The following POTEC variants were observed in gnomAD, a reference collection of about 807,000 sequenced individuals.
The protein encoded by POTEC is ANKRD26-like family B member 2.
A neutral mutation model predicts 62.0 loss-of-function variants in POTEC; 35 were observed. The observed-to-expected ratio is 0.56, with a 90% confidence interval of 0.43 to 0.75. POTEC has a LOEUF of 0.75. Ranked by LOEUF, POTEC falls within the 30% of genes least tolerant of loss-of-function variation. The probability of loss-of-function intolerance (pLI) is 0.00; values close to 1 mark genes in which losing one functional copy is unlikely to be tolerated. For synonymous variants in POTEC, 156 were observed against 221.5 expected, an observed-to-expected ratio of 0.70 and a Z score of 2.62; for missense variants, 472 against 655.9, an observed-to-expected ratio of 0.72 and a Z score of 3.06.
intron 10 of POTEC, among the ~76,000 whole-genome samples, chr18:14,512,529 T>C (rs1043549562): frequency 3.3e-5 from 5 of 152,254 alleles, no homozygotes; most frequent in Admixed American, 2.6e-4. Flanking sequence ...CCTTCTACAA[T>C]GTACACATCT....
At chr18:14,512,799 A>G (rs2143105124) in intron 10 of POTEC, among the ~76,000 whole-genome samples, 1 of 152,292 alleles carries the variant, frequency 6.6e-6, no homozygotes, top group Non-Finnish European at 1.5e-5. Flanking sequence ...ACACACACGT[A>G]TATATGCAAC....
chr18:14,528,700 A>G (rs1395432617), intron 6 of POTEC: 2 of 222,896 alleles, frequency 9.0e-6, no homozygotes, highest in Non-Finnish European at 1.8e-5. Context: ...TCTGGTTCCT[A>G]CTGTTTTAGC....
intron 9 of POTEC, among the ~76,000 whole-genome samples, chr18:14,521,588 A>G (rs1205802735): frequency 6.6e-6 from 1 of 152,162 alleles, no homozygotes; most frequent in Admixed American, 6.6e-5. Flanking sequence ...ACATACCTAC[A>G]TATCCTTACT....
At chr18:14,542,582 T>C (rs1211737124) in intron 1 of POTEC, 44 bp downstream of exon 1, 2 of 1,611,366 alleles carry the variant, frequency 1.2e-6, no homozygotes, top group East Asian at 4.5e-5. Context: ...TATGTCCCCA[T>C]CATCCCCCCA....
At chr18:14,529,500 T>C (rs1369891806) in intron 6 of POTEC, among the ~76,000 whole-genome samples, 1 of 152,166 alleles carries the variant, frequency 6.6e-6, no homozygotes, top group East Asian at 1.9e-4. Context: ...TTTTGATAAA[T>C]AGATGGCTAA....
At chr18:14,514,437 G>C (rs1255209727) in intron 9 of POTEC, among the ~76,000 whole-genome samples, 4 of 152,106 alleles carry the variant, frequency 2.6e-5, no homozygotes, top group Non-Finnish European at 5.9e-5. Flanking sequence ...TGTGGCCTGG[G>C]GATTGGAAAC....
intron 9 of POTEC, among the ~76,000 whole-genome samples, chr18:14,515,772 G>C (rs1309242529): frequency 1.3e-5 from 2 of 151,650 alleles, no homozygotes; most frequent in East Asian, 3.9e-4. Context: ...GGCAAATTAT[G>C]AATCTAACAA....
chr18:14,519,655 T>G (rs1275908368), intron 9 of POTEC, among the ~76,000 whole-genome samples: 2 of 150,878 alleles, frequency 1.3e-5, no homozygotes, highest in Non-Finnish European at 3.0e-5. Flanking sequence ...AGGCAGAGGT[T>G]GTAGTGAGCC....
chr18:14,537,987 G>C lies in POTEC; in HGVS notation c.637-13C>G. The C allele has an allele frequency of 1.2e-6, 2 of 1,601,550 alleles. No individual in the cohort carries two copies. The highest frequency in any genetic ancestry group is 1.4e-5 in the African/African-American group (1 of 71,236). ...GGCATTGTACGGCCTGTCAGTATTA[G>C]ACCAAAAACAAATTATTAAGTCCTA... On this transcript the variant is annotated splice_polypyrimidine_tract_variant and intron_variant, in intron 2 of 10. Transcript: ENST00000358970.
At chr18:14,522,219 T>C (rs1418347867) in intron 9 of POTEC, 35 bp downstream of exon 9, 9 of 1,598,548 alleles carry the variant, frequency 5.6e-6, no homozygotes, top group African/African-American at 2.7e-5. Context: ...TGACAGCATA[T>C]AGTTATCTCC....
chr18:14,512,928 T>C (rs530090565), intron 10 of POTEC, among the ~76,000 whole-genome samples: 353 of 152,252 alleles, frequency 2.3e-3, no homozygotes, highest in Non-Finnish European at 4.3e-3. Context: ...AAAATACAAA[T>C]GGTAAATAAG....
Position 14,510,788 on chromosome 18 carries a change from G to C in POTEC, c.*1110C>G, listed in dbSNP as rs543338431. The C allele has an allele frequency of 1.1e-4, 17 of 152,338 alleles. No homozygotes were observed. The East Asian group carries it at 3.3e-3, about 29-fold the overall frequency. The allele number at this position is 152,338 out of a possible 1,614,324, so 9.4% of individuals were successfully genotyped here. On this transcript the variant is annotated 3_prime_UTR_variant, in exon 11 of 11. Coordinates refer to ENST00000358970, the MANE Select transcript of POTEC (RefSeq NM_001137671.2). ...CACGTTTTTGTAGAGTGGCTATGCT[G>C]TGTGGGGGGTTCACTTCAGCCCCTG...
chr18:14,512,718 C>T (rs146745905), intron 10 of POTEC, among the ~76,000 whole-genome samples: 229 of 152,276 alleles, frequency 1.5e-3, no homozygotes, highest in African/African-American at 5.3e-3. Flanking sequence ...TTGCAGTGAA[C>T]TGAGTTTGTG....
intron 6 of POTEC, among the ~76,000 whole-genome samples, chr18:14,529,832 C>G (rs1202232755): frequency 6.6e-6 from 1 of 152,014 alleles, no homozygotes; most frequent in Admixed American, 6.6e-5. Context: ...CTTGTTGGGA[C>G]AAGGATATGT....
chr18:14,519,624 G>A (rs1441272249), intron 9 of POTEC, among the ~76,000 whole-genome samples: 1 of 152,134 alleles, frequency 6.6e-6, no homozygotes, highest in East Asian at 1.9e-4. Context: ...GGCTGAAGCA[G>A]GAGAATTGCT....
intron 9 of POTEC, among the ~76,000 whole-genome samples, chr18:14,514,714 T>C (rs975108889): frequency 2.0e-5 from 3 of 151,834 alleles, no homozygotes; most frequent in East Asian, 2.0e-4. Flanking sequence ...GGCAGAGCAA[T>C]TGGGCAAGAG....
intron 9 of POTEC, among the ~76,000 whole-genome samples, chr18:14,517,746 C>T (rs1300700631): frequency 1.3e-5 from 2 of 152,266 alleles, no homozygotes; most frequent in East Asian, 1.9e-4. Context: ...CCCGTAATCC[C>T]AGCTCCTTGG....
chr18:14,527,062 G>C (rs1218847910), intron 6 of POTEC, among the ~76,000 whole-genome samples: 1 of 152,020 alleles, frequency 6.6e-6, no homozygotes, highest in African/African-American at 2.4e-5. Flanking sequence ...TAGTGTATAT[G>C]AATATAACTA....
intron 1 of POTEC, among the ~76,000 whole-genome samples, chr18:14,541,306 C>CA (rs1288223895): frequency 6.6e-6 from 1 of 152,068 alleles, no homozygotes; most frequent in Non-Finnish European, 1.5e-5. Flanking sequence ...GGTAGACATG[C>CA]AAAAAAGTAC....
Sources: gnomAD v4.1 joint callset for allele counts (sites outside exome capture counted in the v4.1 genomes callset) on GRCh38, gnomAD v4.1.1 for gene constraint, MANE v1.5 for transcripts, NCBI Gene and HGNC (gene_info 2026-07-23, HGNC 2026-07-21) for gene names.